Variants in MAN2A1 observed in about 807,000 individuals in gnomAD.
MAN2A1 encodes the protein alpha-mannosidase 2.
MAN2A1 carries 76 observed loss-of-function variants against 142.6 expected under a neutral mutation model. The ratio of observed to expected loss-of-function variants is 0.53; its 90% CI spans 0.44 to 0.65. The LOEUF (loss-of-function observed/expected upper bound fraction) is 0.65, where lower values mean the gene tolerates loss of function less well. MAN2A1 is among the 30% of genes least tolerant of loss of function. The pLI is 0.00. For synonymous variants in MAN2A1, 559 were observed against 473.2 expected, an observed-to-expected ratio of 1.18 and a Z score of -2.35; for missense variants, 1,311 against 1,365.1, an observed-to-expected ratio of 0.96 and a Z score of 0.62.
At chr5:109,851,054 A>T (rs1197688008) in intron 19 of MAN2A1, among the ~76,000 whole-genome samples, 1 of 152,176 alleles carries the variant, frequency 6.6e-6, no homozygotes, top group African/African-American at 2.4e-5. Flanking sequence ...AAGTAGGGGG[A>T]TACTCCCTGA....
At position 109,690,301 on chromosome 5, in the gene MAN2A1, G is replaced by T. The variant is rs1273691867; in HGVS notation, c.-117G>T. On this transcript the variant is annotated 5_prime_UTR_variant, in exon 1 of 22. Transcript: ENST00000261483. ...CGGGGACTCGCACCCGCATCCGAGA[G>T]CGCGGAGGTCGCGCAGCCCGGGAGA... 2.8e-6 allele frequency: 3 copies of T among 1,068,200 alleles called. No individual in the cohort carries two copies. In the African/African-American group the frequency reaches 4.7e-5, roughly 17 times the overall value. The allele number at this position is 1,068,200 out of a possible 1,614,324, so 66.2% of individuals were successfully genotyped here.
intron 1 of MAN2A1, among the ~76,000 whole-genome samples, chr5:109,702,430 C>G (rs538861371): frequency 3.3e-5 from 5 of 151,100 alleles, no homozygotes; most frequent in Non-Finnish European, 7.4e-5. Context: ...ATGCAACACC[C>G]CAAATAGGGG....
At chr5:109,735,770 A>C (rs1404088563) in intron 4 of MAN2A1, among the ~76,000 whole-genome samples, 1 of 151,992 alleles carries the variant, frequency 6.6e-6, no homozygotes, top group South Asian at 2.1e-4. Context: ...AATTTGTTAA[A>C]TTCTTCGTAC....
At chr5:109,726,724 T>C (rs3797697) in intron 3 of MAN2A1, among the ~76,000 whole-genome samples, 112,187 of 152,100 alleles carry the variant, frequency 0.74, 42,422 homozygotes, top group East Asian at 0.94. Flanking sequence ...ACAAAAAACA[T>C]ACAAAAAAAC....
At chr5:109,725,244 A>G (rs941801854) in intron 3 of MAN2A1, among the ~76,000 whole-genome samples, 2 of 152,318 alleles carry the variant, frequency 1.3e-5, no homozygotes, top group African/African-American at 4.8e-5. Context: ...GACCAAATGT[A>G]GGTTTAGATT....
At chr5:109,793,759 G>A (rs535993255) in intron 12 of MAN2A1, among the ~76,000 whole-genome samples, 6 of 152,248 alleles carry the variant, frequency 3.9e-5, no homozygotes, top group Non-Finnish European at 8.8e-5. Context: ...GTTAAGATTG[G>A]ATATTGGGTG....
At chr5:109,792,731 A>G (rs1324544933) in intron 12 of MAN2A1, among the ~76,000 whole-genome samples, 2 of 151,994 alleles carry the variant, frequency 1.3e-5, no homozygotes, top group Non-Finnish European at 1.5e-5. Context: ...CAAAGATTTG[A>G]CTGGGCTCAG....
chr5:109,729,360 A>G lies in MAN2A1; in HGVS notation c.554A>G (p.Asn185Ser), dbSNP rs750174542. Residue 185 changes from asparagine to serine, a missense_variant, in exon 4 of 22, where the codon AAT (asparagine) becomes AGT (serine). Around this residue, in one of 3 missense-constraint regions of MAN2A1, gnomAD observed 409 missense variants for 412.7 expected, o/e 0.99. Coordinates refer to ENST00000261483, the MANE Select transcript of MAN2A1 (RefSeq NM_002372.4). ...GATTTAGGTTGGTTGAAGACTTTCAATGACTACTTTAGAGACAAGACTCAG... is the reference window on the plus strand; with the variant it reads ...GATTTAGGTTGGTTGAAGACTTTCAGTGACTACTTTAGAGACAAGACTCAG... ...HNDPGWLKTF[N>S]DYFRDKTQYI... 32 of 1,602,554 alleles carry G rather than the reference A, an allele frequency of 2.0e-5. No homozygotes were observed. Among genetic ancestry groups the G allele is most frequent in the South Asian group, 4.5e-5 (4 of 88,646 alleles).
At chr5:109,695,961 A>T (rs1750800021) in intron 1 of MAN2A1, among the ~76,000 whole-genome samples, 1 of 152,188 alleles carries the variant, frequency 6.6e-6, no homozygotes, top group African/African-American at 2.4e-5. Context: ...GTATAGCTAA[A>T]TGTGCCTATA....
At chr5:109,715,060 CA>C (rs559975143) in intron 2 of MAN2A1, among the ~76,000 whole-genome samples, 181 of 151,460 alleles carry the variant, frequency 1.2e-3, no homozygotes, top group African/African-American at 4.0e-3. Flanking sequence ...AGTTGCAGAG[CA>C]ACCATGGAAG....
intron 4 of MAN2A1, among the ~76,000 whole-genome samples, chr5:109,741,479 T>C (rs1752265803): frequency 6.6e-6 from 1 of 152,226 alleles, no homozygotes; most frequent in African/African-American, 2.4e-5. Flanking sequence ...TTTTTTTGTG[T>C]GACTTCTAGT....
intron 5 of MAN2A1, among the ~76,000 whole-genome samples, chr5:109,756,004 A>G (rs941229520): frequency 1.3e-5 from 2 of 151,902 alleles, no homozygotes; most frequent in Non-Finnish European, 2.9e-5. Flanking sequence ...ATTCTCTTTA[A>G]TACTTTATCT....
intron 12 of MAN2A1, among the ~76,000 whole-genome samples, chr5:109,797,238 C>G (rs1401957564): frequency 6.6e-6 from 1 of 151,938 alleles, no homozygotes; most frequent in African/African-American, 2.4e-5. Flanking sequence ...TGATTTATTA[C>G]AGAGACCAGA....
chr5:109,801,395 A>G (rs1463532483), intron 12 of MAN2A1, among the ~76,000 whole-genome samples: 1 of 152,206 alleles, frequency 6.6e-6, no homozygotes, highest in Non-Finnish European at 1.5e-5. Context: ...CTGGAATTCT[A>G]ATTACATGTC....
chr5:109,800,413 T>G (rs911027059), intron 12 of MAN2A1, among the ~76,000 whole-genome samples: 1 of 152,126 alleles, frequency 6.6e-6, no homozygotes, highest in Non-Finnish European at 1.5e-5. Context: ...TAGCAAATCT[T>G]TAAGGAAAAT....
intron 1 of MAN2A1, among the ~76,000 whole-genome samples, chr5:109,712,699 G>A (rs766819215): frequency 2.4e-4 from 36 of 152,090 alleles, no homozygotes; most frequent in Non-Finnish European, 3.8e-4. Flanking sequence ...TCTTATGCAT[G>A]TCTTCCTAGC....
At chr5:109,808,209 C>T (rs1754222447) in intron 12 of MAN2A1, among the ~76,000 whole-genome samples, 1 of 152,086 alleles carries the variant, frequency 6.6e-6, no homozygotes, top group African/African-American at 2.4e-5. Context: ...AAAAGGATTT[C>T]CCTGCTTCCT....
chr5:109,735,382 A>G (rs1349567318), intron 4 of MAN2A1, among the ~76,000 whole-genome samples: 1 of 152,164 alleles, frequency 6.6e-6, no homozygotes, highest in African/African-American at 2.4e-5. Flanking sequence ...ATTTAAAGTT[A>G]ATATTGTTAT....
chr5:109,741,566 C>G (rs1009589574), intron 4 of MAN2A1, among the ~76,000 whole-genome samples: 1 of 152,142 alleles, frequency 6.6e-6, no homozygotes, highest in Non-Finnish European at 1.5e-5. Context: ...TGCAAGCTAG[C>G]TGTTGCAGAG....
Sources: allele counts gnomAD v4.1 joint callset (sites outside exome capture counted in the v4.1 genomes callset), GRCh38; gene constraint gnomAD v4.1.1; regional missense constraint gnomAD v4.1.1; transcripts MANE v1.5; gene names NCBI Gene and HGNC (gene_info 2026-07-23, HGNC 2026-07-21).